ENO3: variants seen among roughly 807,000 people sequenced by gnomAD.
The protein encoded by ENO3 is beta-enolase.
ENO3 carries 46 observed loss-of-function variants against 47.7 expected under a neutral mutation model. The observed-to-expected ratio is 0.96, with a 90% CI of 0.76 to 1.23. The LOEUF (loss-of-function observed/expected upper bound fraction) is 1.23. Ranked by LOEUF, ENO3 falls within the 50% of genes most tolerant of loss-of-function variation. The pLI, the probability that ENO3 is intolerant of heterozygous loss-of-function variation, is 0.00. For missense variants in ENO3, 575 were observed against 566.2 expected (o/e 1.02, Z -0.16); for synonymous variants, 223 against 225.9 (o/e 0.99, Z 0.11).
rs1322216100 is a variant in ENO3, at chr17:4,956,834, A to C, written c.1180A>C (p.Lys394Gln). 9.3e-6 allele frequency: 15 copies of C among 1,614,056 alleles called. No individual in the cohort carries two copies. The highest frequency in any genetic ancestry group is 2.2e-5 in the East Asian group (1 of 44,894). Reference protein sequence around the residue: ...LVVGLCTGQIKTGAPCRSERL... With the variant: ...LVVGLCTGQIQTGAPCRSERL... ...CAAATTCTTCTTCCCTCATCAGATC[A>C]AGACTGGCGCCCCCTGCCGCTCGGA... The change falls in exon 11 of 12, where the codon AAG (lysine) becomes CAG (glutamine). Residue 394 changes from lysine to glutamine, a missense_variant. Physicochemically the swap from Lys to Gln is moderately conservative, Grantham distance 53. Coordinates refer to ENST00000519602, the MANE Select transcript of ENO3 (RefSeq NM_053013.4).
intron 10 of ENO3, 25 bp downstream of exon 10, chr17:4,956,706 G>C (rs1225710063): frequency 6.2e-7 from 1 of 1,614,148 alleles, no homozygotes; most frequent in Non-Finnish European, 8.5e-7. Flanking sequence ...TCTCTACTGA[G>C]TGTCTCACCA....
rs776420795 is a variant in ENO3 at position 4,956,551 on chromosome 17, A to G, written c.1068-22A>G. On this transcript the variant is annotated intron_variant, in intron 9 of 11. Coordinates refer to ENST00000519602, the MANE Select transcript of ENO3 (RefSeq NM_053013.4). ...CACTGAGGAGGTTCTAGAAGGCCAC[A>G]TCAAATGTCCTCTCCACTCAGGTGC... The G allele has an allele frequency of 1.9e-6, 3 of 1,613,600 alleles. No homozygotes were observed. In the African/African-American group the frequency reaches 4.0e-5, roughly 22 times the overall value.
chr17:4,953,125 C>T lies in ENO3; in HGVS notation c.240+16C>T, dbSNP rs926240215. 8.1e-6 allele frequency: 13 copies of T among 1,614,040 alleles called. No individual in the cohort carries two copies. The highest frequency in any genetic ancestry group is 3.3e-4 in the Middle Eastern group (2 of 6,082). On this transcript the variant is annotated intron_variant, in intron 4 of 11. Transcript: ENST00000519602. Reference sequence around the variant, plus strand: ...GCTGCAAAAGGCAAGTGGGGAAGCCCGCTCGCTGCAGCCTCCTCCCCATGC... The same window carrying T: ...GCTGCAAAAGGCAAGTGGGGAAGCCTGCTCGCTGCAGCCTCCTCCCCATGC...
rs565982583 is a variant in ENO3, at chr17:4,955,991, C to T, written c.915C>T (p.Thr305=). Residue 305 remains threonine, a synonymous_variant, in exon 9 of 12, where the codon ACC becomes ACT. Coordinates refer to ENST00000519602, the MANE Select transcript of ENO3 (RefSeq NM_053013.4). ...PFDQDDWATW[T]SFLSGVNIQI... is the part of the protein sequence containing the mutation. ...ACCAGGATGACTGGGCCACTTGGAC[C>T]TCCTTCCTCTCGGGGGTGAACATCC... 21 of 1,613,922 alleles carry T rather than the reference C, an allele frequency of 1.3e-5. No individual in the cohort carries two copies. The highest frequency in any genetic ancestry group is 1.4e-5 in the Non-Finnish European group (16 of 1,180,010).
chr17:4,953,433 C>T, intron 5 of ENO3, 92 bp downstream of exon 5: 3 of 1,570,146 alleles, frequency 1.9e-6, no homozygotes. Flanking sequence ...TTTCTGGGTC[C>T]CCCATTTTGG....
intron 2 of ENO3, 43 bp from the exon 3 acceptor site, chr17:4,952,752 G>T: frequency 6.4e-7 from 1 of 1,569,298 alleles, no homozygotes; most frequent in Non-Finnish European, 8.7e-7. Context: ...ATGGGCCACC[G>T]CGCCCAGCCA....
chr17:4,956,862 G>A lies in ENO3; in HGVS notation c.1208G>A (p.Arg403His), dbSNP rs561474067. The part of the protein sequence containing the change: ...IKTGAPCRSE[R>H]LAKYNQLMRI... ...ACTGGCGCCCCCTGCCGCTCGGAGC[G>A]TCTGGCCAAATACAACCAACTCATG... The change falls in exon 11 of 12, where the codon CGT becomes CAT. Residue 403 changes from arginine to histidine, a missense_variant. By Grantham distance (29) the Arg-to-His change is conservative. Transcript: ENST00000519602. The A allele has an allele frequency of 6.2e-4, 1,006 of 1,614,160 alleles. 19 individuals are homozygous for A. In the South Asian group the frequency reaches 9.8e-3, roughly 16 times the overall value.
Position 4,953,065 on chromosome 17 carries a change from G to A in ENO3, c.196G>A (p.Val66Met). ...GGCCTGTCTAGGAGTCCTGAAGGCT[G>A]TGGAGAACATCAACAATACTCTGGG... is the stretch of plus-strand genomic sequence containing the variant. ...RYLGKGVLKA[V>M]ENINNTLGPA... Residue 66 changes from valine (V) to methionine (M), a missense_variant, in exon 4 of 12, where the codon GTG (valine) becomes ATG (methionine). Coordinates refer to ENST00000519602, the MANE Select transcript of ENO3 (RefSeq NM_053013.4). 1 of 1,614,258 alleles carries A rather than the reference G, an allele frequency of 6.2e-7. No homozygotes were observed. Among genetic ancestry groups the A allele is most frequent in the South Asian group, 1.1e-5 (1 of 91,092 alleles).
chr17:4,956,461 C>A, intron 9 of ENO3, 112 bp from the exon 10 acceptor site: 1 of 1,033,662 alleles, frequency 9.7e-7, no homozygotes, highest in Non-Finnish European at 1.5e-6. Flanking sequence ...TTAGTCACTG[C>A]CCTCCCTGCA....
rs2151141418 is a variant in ENO3, at chr17:4,953,824, T to A, written c.423T>A (p.Pro141=). The change falls in exon 6 of 12, where the codon CCT becomes CCA. Residue 141 remains proline, a synonymous_variant. Transcript: ENST00000519602. ...ACATCGCAGATCTCGCTGGGAACCC[T>A]GACCTCATACTCCCAGTGCCAGTGA... The part of the protein sequence containing the change: ...YRHIADLAGN[P]DLILPVPAFN... The A allele has an allele frequency of 6.2e-7, 1 of 1,614,188 alleles. No individual in the cohort carries two copies. Among genetic ancestry groups the A allele is most frequent in the East Asian group, 2.2e-5 (1 of 44,880 alleles).
chr17:4,955,015 CTGT>C, intron 6 of ENO3, 57 bp from the exon 7 acceptor site: 15 of 1,543,584 alleles, frequency 9.7e-6, no homozygotes, highest in Admixed American at 1.8e-5. Flanking sequence ...CCCCCCGCCC[CTGT>C]CCCTTCTTGA....
chr17:4,953,485 A>G, intron 5 of ENO3, 144 bp downstream of exon 5: 1 of 1,399,094 alleles, frequency 7.1e-7, no homozygotes, highest in Non-Finnish European at 1.0e-6. Context: ...TTCCACAGGC[A>G]TTTCCTATGC....
In ENO3 at chr17:4,955,459, G is replaced by A. The variant is rs773582449; in HGVS notation, c.720G>A (p.Val240=). 1 of 1,614,270 alleles carries A rather than the reference G, an allele frequency of 6.2e-7. No individual in the cohort carries two copies. The highest frequency in any genetic ancestry group is 2.2e-5 in the East Asian group (1 of 44,892). Reference sequence around the variant, plus strand: ...AGGCGGCTGGTTACCCAGACAAGGTGGTGATCGGCATGGATGTGGCAGCAT... The same window carrying A: ...AGGCGGCTGGTTACCCAGACAAGGTAGTGATCGGCATGGATGTGGCAGCAT... ...AIQAAGYPDK[V]VIGMDVAASE... The change falls in exon 8 of 12, where the codon GTG becomes GTA. Residue 240 remains valine, a synonymous_variant. Transcript: ENST00000519602.
rs543435370 is a variant in ENO3, at chr17:4,953,058, G to A, written c.189G>A (p.Leu63=). 14 of 1,614,250 alleles carry A rather than the reference G, an allele frequency of 8.7e-6. No homozygotes were observed. In the African/African-American group the frequency reaches 1.9e-4, roughly 22 times the overall value. ...ATCCTCTGGCCTGTCTAGGAGTCCT[G>A]AAGGCTGTGGAGAACATCAACAATA... ...DKGRYLGKGV[L]KAVENINNTL... is the part of the protein sequence containing the mutation. The change falls in exon 4 of 12, where the codon CTG becomes CTA. Residue 63 remains leucine (L), a synonymous_variant. Transcript: ENST00000519602.
intron 6 of ENO3, among the ~76,000 whole-genome samples, chr17:4,954,652 C>G (rs897817338): frequency 2.0e-5 from 3 of 152,214 alleles, no homozygotes; most frequent in Non-Finnish European, 4.4e-5. Context: ...CAGTGGCTCA[C>G]GCCTGTAATC....
In ENO3 at chr17:4,953,807, G is replaced by A. The variant is rs1219116501; in HGVS notation, c.406G>A (p.Asp136Asn). 1 of 1,614,088 alleles carries A rather than the reference G, an allele frequency of 6.2e-7. No individual in the cohort carries two copies. Among genetic ancestry groups the A allele is most frequent in the African/African-American group, 1.3e-5 (1 of 74,912 alleles). Residue 136 changes from aspartate (D) to asparagine (N), a missense_variant, in exon 6 of 12, where the codon GAT becomes AAT. Transcript: ENST00000519602. ...KGVPLYRHIADLAGNPDLILP... is the reference protein window; with the variant it reads ...KGVPLYRHIANLAGNPDLILP... ...GGTCCCCCTGTACCGCCACATCGCA[G>A]ATCTCGCTGGGAACCCTGACCTCAT...
chr17:4,955,768 CCTT>C lies in ENO3; in HGVS notation c.865+167_865+169del, dbSNP rs1162972082. 3.9e-6 allele frequency: 5 copies of C among 1,295,556 alleles called. No individual in the cohort carries two copies. In the African/African-American group the frequency reaches 7.3e-5, roughly 19 times the overall value. The allele number at this position is 1,295,556 out of a possible 1,614,324, so 80.3% of individuals were successfully genotyped here. ...TGCCCTGTCACCCCTCCATGAGGCT[CCTT>C]CTGACCTCTAGCCGTGTCTCTGCCC... On this transcript the variant is annotated intron_variant, in intron 8 of 11. Coordinates refer to ENST00000519602, the MANE Select transcript of ENO3 (RefSeq NM_053013.4).
In ENO3 at chr17:4,956,633, T is replaced by G. The variant is rs1411008421; in HGVS notation, c.1128T>G (p.Thr376=). The G allele has an allele frequency of 6.2e-7, 1 of 1,614,194 alleles. No homozygotes were observed. Among genetic ancestry groups the G allele is most frequent in the Admixed American group, 1.7e-5 (1 of 60,022 alleles). ...TGGTGAGCCACCGCTCTGGGGAGAC[T>G]GAGGACACATTCATTGCTGACCTTG... ...GVMVSHRSGE[T]EDTFIADLVV... Residue 376 remains threonine (T), a synonymous_variant, in exon 10 of 12, where the codon ACT becomes ACG. Transcript: ENST00000519602.
chr17:4,956,846 C>T lies in ENO3; in HGVS notation c.1192C>T (p.Pro398Ser). The T allele has an allele frequency of 6.2e-7, 1 of 1,614,210 alleles. No individual in the cohort carries two copies. The highest frequency in any genetic ancestry group is 1.1e-5 in the South Asian group (1 of 91,082). ...CCCTCATCAGATCAAGACTGGCGCC[C>T]CCTGCCGCTCGGAGCGTCTGGCCAA... ...LCTGQIKTGA[P>S]CRSERLAKYN... The change falls in exon 11 of 12, where the codon CCC (proline) becomes TCC (serine). Residue 398 changes from proline to serine, a missense_variant. By Grantham distance (74) the Pro-to-Ser change is moderately conservative. Transcript: ENST00000519602.
Sources: allele counts gnomAD v4.1 joint callset (sites outside exome capture counted in the v4.1 genomes callset), GRCh38; gene constraint gnomAD v4.1.1; transcripts MANE v1.5; gene names NCBI Gene and HGNC (gene_info 2026-07-23, HGNC 2026-07-21).